Variants in RHBDD1 observed in about 807,000 individuals in gnomAD.
RHBDD1 encodes the protein rhomboid domain containing 1, also known as rhomboid-related protein 4.
A neutral mutation model predicts 36.3 loss-of-function variants in RHBDD1; 38 were observed. That is an observed-to-expected ratio of 1.05 (90% CI 0.81 to 1.37). The LOEUF (loss-of-function observed/expected upper bound fraction) is 1.37. Ranked by LOEUF, RHBDD1 falls within the 40% of genes most tolerant of loss-of-function variation. The probability of loss-of-function intolerance (pLI) is 0.00; values close to 1 mark genes in which losing one functional copy is unlikely to be tolerated. For missense variants in RHBDD1, 393 were observed against 377.6 expected, an observed-to-expected ratio of 1.04 and a Z score of -0.34; for synonymous variants, 151 against 136.5, an observed-to-expected ratio of 1.11 and a Z score of -0.74.
chr2:226,889,463 A>G (rs544700885), intron 5 of RHBDD1, among the ~76,000 whole-genome samples: 4 of 152,374 alleles, frequency 2.6e-5, no homozygotes, highest in African/African-American at 9.6e-5. Flanking sequence ...GGATAACAAA[A>G]GATCTCAGAA....
chr2:226,836,372 A>G (rs1055516940), intron 1 of RHBDD1, among the ~76,000 whole-genome samples: 3 of 152,150 alleles, frequency 2.0e-5, no homozygotes, highest in Admixed American at 1.3e-4. Context: ...ACGTGCCCAC[A>G]CTCGGAGGAA....
At chr2:226,991,746 T>A (rs748778014) in intron 8 of RHBDD1, among the ~76,000 whole-genome samples, 1 of 152,166 alleles carries the variant, frequency 6.6e-6, no homozygotes, top group Non-Finnish European at 1.5e-5. Flanking sequence ...TTGCTCAAGG[T>A]TGTGTAGCTA....
intron 5 of RHBDD1, among the ~76,000 whole-genome samples, chr2:226,905,251 G>C (rs1947954074): frequency 6.6e-6 from 1 of 151,984 alleles, no homozygotes; most frequent in African/African-American, 2.4e-5. Context: ...AGAGAGAGAC[G>C]GACAGGCAGG....
chr2:226,802,299 T>C, the RHBDD1 span, among the ~76,000 whole-genome samples: 1 of 152,354 alleles, frequency 6.6e-6, no homozygotes, highest in Non-Finnish European at 1.5e-5. Flanking sequence ...TGACAAATTA[T>C]GTTCAGACCA....
intron 5 of RHBDD1, among the ~76,000 whole-genome samples, chr2:226,902,769 C>T (rs1280743432): frequency 5.3e-5 from 8 of 152,194 alleles, no homozygotes; most frequent in African/African-American, 1.2e-4. Flanking sequence ...TGGAGGATGA[C>T]GCAATGAGTT....
At chr2:226,990,459 C>T (rs777158123) in intron 8 of RHBDD1, among the ~76,000 whole-genome samples, 3 of 152,154 alleles carry the variant, frequency 2.0e-5, no homozygotes, top group Non-Finnish European at 2.9e-5. Flanking sequence ...TGCTATCCTG[C>T]GACTCCAGTA....
intron 8 of RHBDD1, among the ~76,000 whole-genome samples, chr2:226,917,157 T>C (rs1236712997): frequency 6.6e-6 from 1 of 151,974 alleles, no homozygotes; most frequent in African/African-American, 2.4e-5. Flanking sequence ...GTAAATGGTA[T>C]TGAAATATAT....
chr2:226,907,480 T>C (rs1948151363), intron 6 of RHBDD1, among the ~76,000 whole-genome samples: 1 of 152,256 alleles, frequency 6.6e-6, no homozygotes, highest in South Asian at 2.1e-4. Flanking sequence ...GACCTCTTAA[T>C]TTTCAATGCG....
Position 226,988,513 on chromosome 2 carries a change from G to T in RHBDD1, c.857-6918G>T, listed in dbSNP as rs544261374. The T allele has an allele frequency of 4.4e-5, 67 of 1,517,572 alleles. No homozygotes were observed. In the African/African-American group the frequency reaches 7.8e-4, roughly 18 times the overall value. 94.0% of individuals were successfully genotyped at this position (1,517,572 alleles called of 1,614,324 possible). A position where few individuals can be genotyped will look rare whatever the true frequency, so the allele number is the denominator to read the frequency against. On this transcript the variant is annotated intron_variant, in intron 8 of 8. Transcript: ENST00000392062. ...GCAAAGACTCAGGCCTTGCGAGGTG[G>T]ATAGCAGCTGCCCGCACTGTGCCAG...
At chr2:226,861,212 C>A (rs1418920436) in intron 3 of RHBDD1, among the ~76,000 whole-genome samples, 1 of 152,042 alleles carries the variant, frequency 6.6e-6, no homozygotes, top group Admixed American at 6.6e-5. Flanking sequence ...TTACAAAAAT[C>A]ATTAAAGTGG....
chr2:226,949,212 A>G (rs928093060), intron 8 of RHBDD1, among the ~76,000 whole-genome samples: 3 of 152,228 alleles, frequency 2.0e-5, no homozygotes, highest in African/African-American at 7.2e-5. Flanking sequence ...AAAGTAATTT[A>G]TAGATTTACT....
At chr2:226,818,445 T>C in the RHBDD1 span, among the ~76,000 whole-genome samples, 2 of 148,576 alleles carry the variant, frequency 1.3e-5, no homozygotes, top group African/African-American at 4.9e-5. Context: ...GGATTACAGG[T>C]GTGAGCCACT....
rs550729966 is a variant in RHBDD1 at position 226,839,483 on chromosome 2, A to G, written c.-235A>G. Reference sequence around the variant, plus strand: ...TTTAAGAACAGTGAGGTTGAAGGGCACAGGCTCTTGGTCCTTGGCAGCGAT... The same window carrying G: ...TTTAAGAACAGTGAGGTTGAAGGGCGCAGGCTCTTGGTCCTTGGCAGCGAT... On this transcript the variant is annotated 5_prime_UTR_variant, in exon 3 of 9. Transcript: ENST00000392062. The G allele has an allele frequency of 1.1e-4, 16 of 152,304 alleles. No individual in the cohort carries two copies. The highest frequency in any genetic ancestry group is 3.6e-4 in the African/African-American group (15 of 41,572). The allele number at this position is 152,304 out of a possible 1,614,324, so 9.4% of individuals were successfully genotyped here. A position where few individuals can be genotyped will look rare whatever the true frequency, so the allele number is the denominator to read the frequency against.
intron 8 of RHBDD1, among the ~76,000 whole-genome samples, chr2:226,927,144 T>G (rs142476510): frequency 2.6e-5 from 4 of 152,142 alleles, no homozygotes; most frequent in Non-Finnish European, 5.9e-5. Flanking sequence ...CACTGTTCTC[T>G]TCTCCATCTC....
chr2:226,992,879 AC>A (rs1559365283), intron 8 of RHBDD1, among the ~76,000 whole-genome samples: 1 of 152,102 alleles, frequency 6.6e-6, no homozygotes, highest in African/African-American at 2.4e-5. Context: ...TGTCCCTAAC[AC>A]CTTCTGAGCC....
intron 2 of RHBDD1, among the ~76,000 whole-genome samples, chr2:226,838,601 TG>T (rs1941269652): frequency 6.6e-6 from 1 of 152,132 alleles, no homozygotes; most frequent in African/African-American, 2.4e-5. Flanking sequence ...GCTCAGTAAA[TG>T]TTGTGTGTCG....
chr2:226,980,185 T>A (rs1955395549), intron 8 of RHBDD1, among the ~76,000 whole-genome samples: 1 of 152,194 alleles, frequency 6.6e-6, no homozygotes, highest in African/African-American at 2.4e-5. Flanking sequence ...ACCCATGAGC[T>A]AGATTTTACA....
chr2:226,901,590 A>G (rs959099405), intron 5 of RHBDD1, among the ~76,000 whole-genome samples: 9 of 152,086 alleles, frequency 5.9e-5, no homozygotes, highest in Non-Finnish European at 1.3e-4. Context: ...ATGTGAGGTG[A>G]TATCTCATTG....
At chr2:226,802,522 G>A in the RHBDD1 span, among the ~76,000 whole-genome samples, 1 of 152,180 alleles carries the variant, frequency 6.6e-6, no homozygotes, top group Non-Finnish European at 1.5e-5. Context: ...AAAGAGACGC[G>A]TTTGTGGGAA....
Sources: allele counts gnomAD v4.1 joint callset (sites outside exome capture counted in the v4.1 genomes callset), GRCh38; gene constraint gnomAD v4.1.1; transcripts MANE v1.5; gene names NCBI Gene and HGNC (gene_info 2026-07-23, HGNC 2026-07-21).